Variants in ALG1L2 observed in about 807,000 individuals in gnomAD.
ALG1L2 encodes the protein ALG1 chitobiosyldiphosphodolichol beta-mannosyltransferase like 2.
Under a neutral mutation model 29.0 loss-of-function variants are expected in ALG1L2, and 32 were observed. The observed-to-expected ratio is 1.10, with a 90% CI of 0.83 to 1.48. The LOEUF (loss-of-function observed/expected upper bound fraction) is 1.48. ALG1L2 is among the 40% of genes most tolerant of loss of function. ALG1L2 has a pLI of 0.00. For synonymous variants in ALG1L2, 110 were observed against 109.5 expected, an observed-to-expected ratio of 1.00 and a Z score of -0.03; for missense variants, 318 against 274.1, an observed-to-expected ratio of 1.16 and a Z score of -1.13.
intron 6 of ALG1L2, among the ~76,000 whole-genome samples, chr3:130,096,869 T>A (rs1046566085): frequency 3.9e-5 from 6 of 152,202 alleles, no homozygotes; most frequent in Admixed American, 6.5e-5. Flanking sequence ...TACTTGTTCC[T>A]TGGCCATGGA....
chr3:130,096,844 C>G (rs1189855950), intron 6 of ALG1L2, among the ~76,000 whole-genome samples: 1 of 152,164 alleles, frequency 6.6e-6, no homozygotes, highest in Non-Finnish European at 1.5e-5. Context: ...GAACCAGTCC[C>G]CAGGGGGTTG....
chr3:130,089,719 G>C (rs1030113660), intron 1 of ALG1L2, among the ~76,000 whole-genome samples: 8 of 152,282 alleles, frequency 5.3e-5, no homozygotes, highest in Non-Finnish European at 1.2e-4. Context: ...GTCCTTTTGT[G>C]GCTTATTTCC....
Position 130,093,141 on chromosome 3 carries a change from T to C in ALG1L2, c.294T>C (p.Ser98=), listed in dbSNP as rs1577328875. The C allele has an allele frequency of 6.2e-7, 1 of 1,611,268 alleles. No homozygotes were observed. The highest frequency in any genetic ancestry group is 2.2e-5 in the East Asian group (1 of 44,842). Residue 98 remains serine (S), a synonymous_variant, in exon 4 of 8, where the codon TCT becomes TCC. Transcript: ENST00000425059. Reference sequence around the variant, plus strand: ...CTCTTGACGGACAGAACCTTCCTTCTCTCGTCTGTGTGATAACAGGTACTG... The same window carrying C: ...CTCTTGACGGACAGAACCTTCCTTCCCTCGTCTGTGTGATAACAGGTACTG... ...QLTLDGQNLP[S]LVCVITGKGP... is the part of the protein sequence containing the mutation.
At position 130,098,354 on chromosome 3, in the gene ALG1L2, T is replaced by C; in HGVS notation, c.*99T>C. 6.3e-7 allele frequency: 1 copy of C among 1,595,750 alleles called. No individual in the cohort carries two copies. Among genetic ancestry groups the C allele is most frequent in the South Asian group, 1.1e-5 (1 of 90,948 alleles). On this transcript the variant is annotated 3_prime_UTR_variant, in exon 8 of 8. Coordinates refer to ENST00000425059, the MANE Select transcript of ALG1L2 (RefSeq NM_001136152.1). ...GTGCAGACTGTGCTCCCTTTGGTTA[T>C]GGACACATAACTCCTGGGCCAGAGG...
intron 2 of ALG1L2, 77 bp from the exon 3 acceptor site, chr3:130,092,024 A>T (rs2108120731): frequency 6.3e-7 from 1 of 1,584,356 alleles, no homozygotes. Context: ...TGCAGGCCTC[A>T]CCATGGCAGG....
At chr3:130,095,814 C>T (rs745979445) in intron 5 of ALG1L2, among the ~76,000 whole-genome samples, 3 of 152,090 alleles carry the variant, frequency 2.0e-5, no homozygotes, top group Admixed American at 1.3e-4. Context: ...TGTCTCAAAA[C>T]AAAACAACAA....
chr3:130,092,554 C>G (rs1203500855), intron 3 of ALG1L2, among the ~76,000 whole-genome samples: 3 of 152,076 alleles, frequency 2.0e-5, no homozygotes, highest in Non-Finnish European at 4.4e-5. Flanking sequence ...GGTGGGGCAG[C>G]CTGGGGACAG....
chr3:130,095,412 A>T (rs1386003358), intron 5 of ALG1L2, among the ~76,000 whole-genome samples: 1 of 15,926 alleles, frequency 6.3e-5, no homozygotes, highest in Non-Finnish European at 2.6e-4. Flanking sequence ...GCTGTGGTTT[A>T]TTATTATTAT....
chr3:130,095,685 G>A (rs9812703), intron 5 of ALG1L2, among the ~76,000 whole-genome samples: 87,369 of 150,700 alleles, frequency 0.58, 26,539 homozygotes, highest in Middle Eastern at 0.75. Flanking sequence ...CAGGTGATCC[G>A]CCCGCCTTGG....
intron 1 of ALG1L2, among the ~76,000 whole-genome samples, chr3:130,083,428 G>A (rs201817360): frequency 9.0e-5 from 11 of 122,284 alleles, no homozygotes; most frequent in Middle Eastern, 5.2e-3. Flanking sequence ...GGGCAAGAGA[G>A]CAAGACTCTG....
chr3:130,090,690 C>T (rs7647126), intron 1 of ALG1L2: 10,973 of 154,582 alleles, frequency 0.071, 685 homozygotes, highest in East Asian at 0.36. Context: ...TGCATAAACG[C>T]TAATAACTTA....
intron 4 of ALG1L2, chr3:130,094,079 C>T: frequency 2.6e-6 from 1 of 381,544 alleles, no homozygotes; most frequent in Non-Finnish European, 5.0e-6. Context: ...TCCTCTTGTC[C>T]CCTGTGCACA....
chr3:130,088,996 G>T (rs1934952553), intron 1 of ALG1L2, among the ~76,000 whole-genome samples: 1 of 152,294 alleles, frequency 6.6e-6, no homozygotes, highest in South Asian at 2.1e-4. Context: ...TCCTTGTGAT[G>T]TCCAGCTGGC....
intron 1 of ALG1L2, among the ~76,000 whole-genome samples, chr3:130,089,770 G>A (rs191668250): frequency 2.4e-4 from 36 of 152,426 alleles, no homozygotes; most frequent in Admixed American, 8.5e-4. Context: ...GCCAGGTGCA[G>A]TGACTCACAC....
chr3:130,094,753 G>C (rs1038757357), intron 5 of ALG1L2, among the ~76,000 whole-genome samples: 1 of 152,138 alleles, frequency 6.6e-6, no homozygotes, highest in South Asian at 2.1e-4. Context: ...AGCCTGCCAC[G>C]CCCTCCATTC....
intron 4 of ALG1L2, among the ~76,000 whole-genome samples, chr3:130,093,433 T>TC (rs941559726): frequency 1.3e-5 from 1 of 76,660 alleles, no homozygotes; most frequent in Non-Finnish European, 2.9e-5. Context: ...GTCATTGGTG[T>TC]CTTTTTTTTT....
At chr3:130,095,409 TTTATTATTATTATTATTATTA>T (rs869099473) in intron 5 of ALG1L2, among the ~76,000 whole-genome samples, 6 of 121,126 alleles carry the variant, frequency 5.0e-5, no homozygotes, top group Non-Finnish European at 9.6e-5. Flanking sequence ...TGTGCTGTGG[TTTATTATTATTATTATTATTA>T]TTATTATTAT....
At position 130,092,186 on chromosome 3, in the gene ALG1L2, C is replaced by A. The variant is rs191831656; in HGVS notation, c.217C>A (p.Arg73=). 6.2e-7 allele frequency: 1 copy of A among 1,612,228 alleles called. No individual in the cohort carries two copies. Residue 73 remains arginine (R), a synonymous_variant, in exon 3 of 8, where the codon CGG becomes AGG. Coordinates refer to ENST00000425059, the MANE Select transcript of ALG1L2 (RefSeq NM_001136152.1). ...GSGLVTRLHE[R]PALLVSSTSW... is the part of the protein sequence containing the mutation. ...CGGGCTGGTGACGCGTCTCCACGAG[C>A]GGCCAGCCCTGCTGGTCAGCAGCAC...
intron 4 of ALG1L2, chr3:130,094,167 G>A (rs1159798172): frequency 1.6e-5 from 9 of 555,160 alleles, no homozygotes; most frequent in South Asian, 4.0e-5. Context: ...TTTGCAGCCC[G>A]AGGCCAGCTG....
Sources: gnomAD v4.1 joint callset for allele counts (sites outside exome capture counted in the v4.1 genomes callset) on GRCh38, gnomAD v4.1.1 for gene constraint, MANE v1.5 for transcripts, NCBI Gene and HGNC (gene_info 2026-07-23, HGNC 2026-07-21) for gene names.